The following SRRM4 variants were observed in gnomAD, a reference collection of about 807,000 sequenced individuals.
SRRM4 encodes serine/arginine repetitive matrix 4.
In SRRM4, 33 loss-of-function variants were observed where a neutral mutation model predicts 68.9. The ratio of observed to expected loss-of-function variants is 0.48; its 90% CI spans 0.36 to 0.64. SRRM4 has a LOEUF of 0.64. Ranked by LOEUF, SRRM4 falls within the 30% of genes least tolerant of loss-of-function variation. The probability of loss-of-function intolerance (pLI) is 0.00; values close to 1 mark genes in which losing one functional copy is unlikely to be tolerated. For synonymous variants in SRRM4, 318 were observed against 318.8 expected (o/e 1.00, Z 0.03); for missense variants, 817 against 827.1 (o/e 0.99, Z 0.15).
chr12:119,047,806 G>C (rs1212229698), intron 1 of SRRM4, among the ~76,000 whole-genome samples: 4 of 152,130 alleles, frequency 2.6e-5, no homozygotes, highest in African/African-American at 9.7e-5. Flanking sequence ...TACTCCATTG[G>C]CTGGAGCAGG....
chr12:119,058,771 A>C (rs879925481), intron 1 of SRRM4, among the ~76,000 whole-genome samples: 17 of 151,246 alleles, frequency 1.1e-4, no homozygotes, highest in Admixed American at 1.3e-4. Flanking sequence ...CCATTCCCCT[A>C]CCTCTCTTCC....
intron 1 of SRRM4, among the ~76,000 whole-genome samples, chr12:119,055,342 A>G (rs1953769869): frequency 1.3e-5 from 2 of 152,116 alleles, no homozygotes; most frequent in Admixed American, 1.3e-4. Context: ...TCACAAGACT[A>G]TTCTAAAAAG....
chr12:119,144,313 A>G (rs1565918549), intron 8 of SRRM4, among the ~76,000 whole-genome samples: 1 of 152,118 alleles, frequency 6.6e-6, no homozygotes, highest in South Asian at 2.1e-4. Context: ...CTTGGGCCCT[A>G]AGGGATTGAT....
Position 118,981,790 on chromosome 12 carries a change from A to G in SRRM4, c.-93A>G. 2.2e-6 allele frequency: 3 copies of G among 1,385,390 alleles called. No individual in the cohort carries two copies. Among genetic ancestry groups the G allele is most frequent in the Admixed American group, 4.5e-5 (2 of 44,242 alleles). The allele number at this position is 1,385,390 out of a possible 1,614,324, so 85.8% of individuals were successfully genotyped here. ...CCACCCCTCTCTGGGTTTCACCCGG[A>G]CAGAGCCGGGAGCTGGGTGTCGCCC... On this transcript the variant is annotated 5_prime_UTR_variant, in exon 1 of 13. Transcript: ENST00000267260.
At chr12:119,066,240 G>T (rs955552215) in intron 1 of SRRM4, among the ~76,000 whole-genome samples, 1 of 152,098 alleles carries the variant, frequency 6.6e-6, no homozygotes, top group Non-Finnish European at 1.5e-5. Flanking sequence ...TATGTGCCAA[G>T]TACTGTAATA....
intron 1 of SRRM4, among the ~76,000 whole-genome samples, chr12:119,018,879 A>C (rs2136000730): frequency 6.6e-6 from 1 of 152,326 alleles, no homozygotes; most frequent in Non-Finnish European, 1.5e-5. Flanking sequence ...GACCCCACTG[A>C]AAATTCTAGG....
chr12:119,010,985 T>C (rs1392773462), intron 1 of SRRM4, among the ~76,000 whole-genome samples: 1 of 152,186 alleles, frequency 6.6e-6, no homozygotes, highest in Non-Finnish European at 1.5e-5. Flanking sequence ...CATCTATCTA[T>C]GTATACAAAA....
chr12:118,985,315 G>T (rs921839906), intron 1 of SRRM4, among the ~76,000 whole-genome samples: 6 of 152,170 alleles, frequency 3.9e-5, no homozygotes, highest in South Asian at 4.1e-4. Context: ...TCTGGATTCA[G>T]AATTGATTGG....
chr12:119,007,081 TG>T (rs1359451398), intron 1 of SRRM4, among the ~76,000 whole-genome samples: 1 of 152,222 alleles, frequency 6.6e-6, no homozygotes, highest in East Asian at 1.9e-4. Flanking sequence ...CCTTAGCAGC[TG>T]GTTCTTTTTG....
At chr12:119,117,836 G>A (rs539308991) in intron 4 of SRRM4, among the ~76,000 whole-genome samples, 8 of 151,984 alleles carry the variant, frequency 5.3e-5, no homozygotes, top group Admixed American at 1.3e-4. Context: ...CACTTGAACC[G>A]GGGAGTCAGA....
intron 1 of SRRM4, among the ~76,000 whole-genome samples, chr12:119,030,311 T>C (rs1953580258): frequency 1.3e-5 from 2 of 152,182 alleles, no homozygotes; most frequent in South Asian, 4.1e-4. Flanking sequence ...GGCAAAGAAG[T>C]AATCCGGTAG....
intron 1 of SRRM4, among the ~76,000 whole-genome samples, chr12:119,078,720 G>A (rs1372672603): frequency 6.6e-6 from 1 of 152,138 alleles, no homozygotes; most frequent in Non-Finnish European, 1.5e-5. Flanking sequence ...AGAAGTTTGA[G>A]GCAAGCCTGG....
chr12:119,039,573 T>A (rs561462192), intron 1 of SRRM4, among the ~76,000 whole-genome samples: 31 of 152,258 alleles, frequency 2.0e-4, no homozygotes, highest in Non-Finnish European at 3.5e-4. Context: ...GTGTAGGACT[T>A]CCCCAGTTTC....
intron 1 of SRRM4, among the ~76,000 whole-genome samples, chr12:119,071,487 T>C (rs934681344): frequency 2.0e-5 from 3 of 152,194 alleles, no homozygotes; most frequent in African/African-American, 7.2e-5. Flanking sequence ...TTGTAATTTG[T>C]TTGCTTTCTA....
At chr12:119,049,564 A>G (rs1594043983) in intron 1 of SRRM4, among the ~76,000 whole-genome samples, 1 of 152,228 alleles carries the variant, frequency 6.6e-6, no homozygotes, top group Non-Finnish European at 1.5e-5. Context: ...AGTAGCTTTA[A>G]GGGAACTAGG....
intron 8 of SRRM4, among the ~76,000 whole-genome samples, chr12:119,138,858 G>A (rs772562659): frequency 6.6e-6 from 1 of 152,160 alleles, no homozygotes; most frequent in Non-Finnish European, 1.5e-5. Context: ...AGGCTTTTAT[G>A]TAGACATCAT....
rs536259055 is a variant in SRRM4, at chr12:119,011,739, T to C, written c.131+29726T>C. Among the ~76,000 whole-genome samples the C allele has an allele frequency of 2.0e-4, 30 of 152,314 alleles. No individual in the cohort carries two copies. The South Asian group carries it at 2.9e-3, about 15-fold the overall frequency. On this transcript the variant is annotated intron_variant, in intron 1 of 12. Transcript: ENST00000267260. ...GGAGCATGTGATTGGAGTCTGACAG[T>C]GCTAAGCTCCCTGAGTCTGTCCCTT... is the stretch of plus-strand genomic sequence containing the variant.
intron 1 of SRRM4, among the ~76,000 whole-genome samples, chr12:119,026,500 C>T (rs1239907077): frequency 6.6e-6 from 1 of 151,892 alleles, no homozygotes; most frequent in African/African-American, 2.4e-5. Flanking sequence ...ATTTTATCAC[C>T]ACAAATATCC....
intron 11 of SRRM4, among the ~76,000 whole-genome samples, chr12:119,153,926 C>T (rs892389739): frequency 1.3e-5 from 2 of 152,182 alleles, no homozygotes; most frequent in East Asian, 3.9e-4. Context: ...TATTCAGAGC[C>T]CCCAGTTCTT....
Sources: allele counts gnomAD v4.1 joint callset (sites outside exome capture counted in the v4.1 genomes callset), GRCh38; gene constraint gnomAD v4.1.1; transcripts MANE v1.5; gene names NCBI Gene and HGNC (gene_info 2026-07-23, HGNC 2026-07-21).